The following RBFOX3 variants were observed in gnomAD, a reference collection of about 807,000 sequenced individuals.
The protein encoded by RBFOX3 is RNA binding protein fox-1 homolog 3.
Under a neutral mutation model 48.7 loss-of-function variants are expected in RBFOX3, and 17 were observed. The ratio of observed to expected loss-of-function variants is 0.35; its 90% CI spans 0.24 to 0.52. RBFOX3 has a LOEUF of 0.52. Ranked by LOEUF, RBFOX3 falls within the 20% of genes least tolerant of loss-of-function variation. The pLI, the probability that RBFOX3 is intolerant of heterozygous loss-of-function variation, is 0.94. For synonymous variants in RBFOX3, 212 were observed against 209.5 expected (o/e 1.01, Z -0.10); for missense variants, 382 against 497.5 (o/e 0.77, Z 2.21).
chr17:79,285,281 A>C (rs958588755), intron 3 of RBFOX3, among the ~76,000 whole-genome samples: 1 of 152,222 alleles, frequency 6.6e-6, no homozygotes, highest in African/African-American at 2.4e-5. Context: ...AGCTGCAGTT[A>C]ATATGCCCAC....
At chr17:79,301,609 A>G (rs746443304) in intron 3 of RBFOX3, among the ~76,000 whole-genome samples, 9 of 152,182 alleles carry the variant, frequency 5.9e-5, no homozygotes, top group Non-Finnish European at 1.0e-4. Context: ...TAGTCAGTCT[A>G]TCTTCCATCA....
chr17:79,258,752 C>T (rs1469667234), intron 3 of RBFOX3, among the ~76,000 whole-genome samples: 1 of 152,132 alleles, frequency 6.6e-6, no homozygotes, highest in African/African-American at 2.4e-5. Flanking sequence ...TGCTGAAGAC[C>T]CTGTTCAGGA....
At chr17:79,223,785 T>C (rs1188422301) in intron 4 of RBFOX3, among the ~76,000 whole-genome samples, 9 of 152,162 alleles carry the variant, frequency 5.9e-5, no homozygotes, top group Non-Finnish European at 1.0e-4. Flanking sequence ...CAAGCTCAGC[T>C]GCTCTGTGGC....
intron 1 of RBFOX3, among the ~76,000 whole-genome samples, chr17:79,514,666 C>G (rs1404524421): frequency 6.6e-6 from 1 of 152,234 alleles, no homozygotes; most frequent in Non-Finnish European, 1.5e-5. Context: ...CCACAGCCAC[C>G]CCTAGTAACC....
chr17:79,220,871 C>T lies in RBFOX3; in HGVS notation c.-34+14895G>A, dbSNP rs1485952645. On this transcript the variant is annotated intron_variant, in intron 4 of 14. Transcript: ENST00000693108. The surrounding 1 kb of genome is among the most constrained non-coding windows in gnomAD (Gnocchi z 5.9). ...GCCTGGAGCGTGGGCCAATCAGAGACGAGGCGCAGAAGTTGAATGTGCATT... is the reference window on the plus strand; with the variant it reads ...GCCTGGAGCGTGGGCCAATCAGAGATGAGGCGCAGAAGTTGAATGTGCATT... 2.0e-5 allele frequency among the ~76,000 whole-genome samples: 3 copies of T among 151,892 alleles called. No homozygotes were observed. Among genetic ancestry groups the T allele is most frequent in the Non-Finnish European group, 4.4e-5 (3 of 67,964 alleles).
intron 1 of RBFOX3, among the ~76,000 whole-genome samples, chr17:79,590,621 C>A: frequency 6.6e-6 from 1 of 152,308 alleles, no homozygotes; most frequent in Middle Eastern, 3.4e-3. Context: ...CCAGCTGGGG[C>A]TCCTCCAGGA....
the RBFOX3 span, among the ~76,000 whole-genome samples, chr17:79,651,952 C>A: frequency 1.3e-5 from 2 of 149,368 alleles, no homozygotes; most frequent in Non-Finnish European, 3.0e-5. Flanking sequence ...GCAGCTCCTG[C>A]CAGCAACCAA....
chr17:79,482,275 C>T lies in RBFOX3; in HGVS notation c.-175+179G>A, dbSNP rs1451017824. Among the ~76,000 whole-genome samples the T allele has an allele frequency of 2.6e-5, 4 of 152,168 alleles. No homozygotes were observed. The highest frequency in any genetic ancestry group is 4.4e-5 in the Non-Finnish European group (3 of 68,042). ...TCTACCCCATACCTTCTTGGGCGTC[C>T]GTCGATGTTCCCCCTCCTACTCCAC... On this transcript the variant is annotated intron_variant, in intron 2 of 14. Coordinates refer to ENST00000693108, the MANE Select transcript of RBFOX3 (RefSeq NM_001350451.2). The surrounding 1 kb of genome is among the most constrained non-coding windows in gnomAD (Gnocchi z 4.1).
At chr17:79,554,390 C>G (rs1407898216) in intron 1 of RBFOX3, among the ~76,000 whole-genome samples, 879 of 81,556 alleles carry the variant, frequency 0.011, no homozygotes, top group Non-Finnish European at 0.013. Flanking sequence ...AGTCACCCCT[C>G]ACCTGGCCCT....
At chr17:79,358,366 C>T (rs1031319026) in intron 2 of RBFOX3, among the ~76,000 whole-genome samples, 10 of 152,342 alleles carry the variant, frequency 6.6e-5, no homozygotes, top group African/African-American at 2.2e-4. Flanking sequence ...GGGGAGACCC[C>T]ACCATCGGCA....
chr17:79,576,333 A>G (rs996335859), intron 1 of RBFOX3, among the ~76,000 whole-genome samples: 153 of 152,304 alleles, frequency 1.0e-3, no homozygotes, highest in Admixed American at 5.1e-3. Context: ...GAAGATGGAG[A>G]TCACAGAGAT....
intron 10 of RBFOX3, 94 bp downstream of exon 10, chr17:79,097,598 G>A: frequency 7.1e-7 from 1 of 1,413,664 alleles, no homozygotes; most frequent in South Asian, 1.3e-5. Flanking sequence ...GGCCCACCTG[G>A]CCCCGCCCCT....
At chr17:79,119,860 C>T (rs945107771) in intron 4 of RBFOX3, among the ~76,000 whole-genome samples, 1 of 152,190 alleles carries the variant, frequency 6.6e-6, no homozygotes, top group Non-Finnish European at 1.5e-5. Flanking sequence ...CTGGGCCGCA[C>T]TCCTGAACAA....
At chr17:79,494,269 G>A (rs982176668) in intron 1 of RBFOX3, among the ~76,000 whole-genome samples, 16 of 152,186 alleles carry the variant, frequency 1.1e-4, no homozygotes, top group African/African-American at 3.6e-4. Context: ...AGTCTTGGTG[G>A]GGAAGCTGGC....
intron 1 of RBFOX3, among the ~76,000 whole-genome samples, chr17:79,539,543 G>C (rs1159721653): frequency 1.3e-5 from 2 of 152,148 alleles, no homozygotes; most frequent in African/African-American, 4.8e-5. Context: ...AGCTACGAGT[G>C]CCAGGAAAAC....
At chr17:79,572,639 C>T (rs1438588886) in intron 1 of RBFOX3, among the ~76,000 whole-genome samples, 1 of 152,180 alleles carries the variant, frequency 6.6e-6, no homozygotes, top group Non-Finnish European at 1.5e-5. Context: ...CAGGTGAGTA[C>T]CACAGTCTTA....
At chr17:79,657,736 G>T in the RBFOX3 span, among the ~76,000 whole-genome samples, 1 of 52,382 alleles carries the variant, frequency 1.9e-5, no homozygotes, top group African/African-American at 4.9e-5. Flanking sequence ...GCTGTGAAAT[G>T]CAGTGGGTCA....
At chr17:79,486,351 C>T (rs955678830) in intron 1 of RBFOX3, among the ~76,000 whole-genome samples, 7 of 152,122 alleles carry the variant, frequency 4.6e-5, no homozygotes. Flanking sequence ...ATTCTCCGAC[C>T]TGTATTTATT....
intron 2 of RBFOX3, among the ~76,000 whole-genome samples, chr17:79,333,181 A>T (rs1422468714): frequency 6.6e-6 from 1 of 152,060 alleles, no homozygotes; most frequent in East Asian, 1.9e-4. Context: ...GAGGAGACTG[A>T]CCCTCCAAAA....
Sources: gnomAD v4.1 joint callset for allele counts (sites outside exome capture counted in the v4.1 genomes callset) on GRCh38, gnomAD v4.1.1 for gene constraint, Gnocchi (gnomAD v3.1) non-coding constraint, MANE v1.5 for transcripts, NCBI Gene and HGNC (gene_info 2026-07-23, HGNC 2026-07-21) for gene names.